CFAP299: variants seen among roughly 807,000 people sequenced by gnomAD.
The protein encoded by CFAP299 is cilia- and flagella-associated protein 299.
CFAP299 carries 21 observed loss-of-function variants against 27.0 expected under a neutral mutation model. The ratio of observed to expected loss-of-function variants is 0.78; its 90% CI spans 0.55 to 1.12. The LOEUF (loss-of-function observed/expected upper bound fraction) is 1.12. CFAP299 is among the 50% of genes most tolerant of loss of function. The probability of loss-of-function intolerance (pLI) is 0.00; values close to 1 mark genes in which losing one functional copy is unlikely to be tolerated. For synonymous variants in CFAP299, 104 were observed against 98.1 expected (o/e 1.06, Z -0.36); for missense variants, 310 against 276.6 (o/e 1.12, Z -0.86).
chr4:80,921,675 G>C (rs1448199109), intron 4 of CFAP299, among the ~76,000 whole-genome samples: 2 of 152,016 alleles, frequency 1.3e-5, no homozygotes, highest in African/African-American at 4.8e-5. Context: ...TTTGTCCCGG[G>C]AGATAATCTG....
chr4:80,627,419 A>C (rs767585500), intron 3 of CFAP299, among the ~76,000 whole-genome samples: 2 of 152,010 alleles, frequency 1.3e-5, no homozygotes, highest in African/African-American at 2.4e-5. Flanking sequence ...TTTTCCTCTA[A>C]GACACAGAGT....
chr4:80,736,926 A>G (rs1204498234), intron 3 of CFAP299, among the ~76,000 whole-genome samples: 1 of 152,178 alleles, frequency 6.6e-6, no homozygotes, highest in Admixed American at 6.5e-5. Context: ...ATGTCCAACA[A>G]TGATAGACTG....
At position 80,799,322 on chromosome 4, in the gene CFAP299, A is replaced by ATTTATATAATATTTATATATATAAATG. The variant is rs1560416304; in HGVS notation, c.334-70670_334-70669insTTATATAATATTTATATATATAAATGT. On this transcript the variant is annotated intron_variant, in intron 3 of 5. Coordinates refer to ENST00000358105, the MANE Select transcript of CFAP299 (RefSeq NM_152770.3). ...TTATATAATATTTATATATATAAAT[A>ATTTATATAATATTTATATATATAAATG]TATTTATATAATATTTATATATATA... Among the ~76,000 whole-genome samples the ATTTATATAATATTTATATATATAAATG allele has an allele frequency of 5.9e-5, 5 of 84,596 alleles. 1 individual carries two copies. The highest frequency in any genetic ancestry group is 2.9e-4 in the African/African-American group (5 of 17,360). The allele number at this position is 84,596 out of a possible 152,430, so 55.5% of individuals were successfully genotyped here.
intron 3 of CFAP299, among the ~76,000 whole-genome samples, chr4:80,704,382 A>C (rs936219239): frequency 6.6e-6 from 1 of 151,674 alleles, no homozygotes; most frequent in Non-Finnish European, 1.5e-5. Context: ...TAAGAAGAGT[A>C]GAAAAGGCCT....
intron 1 of CFAP299, among the ~76,000 whole-genome samples, chr4:80,345,144 A>G (rs899279590): frequency 8.5e-5 from 13 of 152,194 alleles, no homozygotes; most frequent in Admixed American, 5.2e-4. Flanking sequence ...GACCAGGGCA[A>G]TCAGGCAAGA....
chr4:80,749,790 A>T (rs1724829521), intron 3 of CFAP299, among the ~76,000 whole-genome samples: 1 of 152,202 alleles, frequency 6.6e-6, no homozygotes, highest in African/African-American at 2.4e-5. Flanking sequence ...CTGGCAGCTG[A>T]TTAGATAGTG....
At chr4:80,586,316 G>A (rs893873814) in intron 3 of CFAP299, among the ~76,000 whole-genome samples, 1 of 151,978 alleles carries the variant, frequency 6.6e-6, no homozygotes, top group Non-Finnish European at 1.5e-5. Flanking sequence ...GAATAAAATA[G>A]ATATAGAAAA....
intron 3 of CFAP299, among the ~76,000 whole-genome samples, chr4:80,844,744 A>G (rs2110142135): frequency 6.6e-6 from 1 of 152,182 alleles, no homozygotes; most frequent in Non-Finnish European, 1.5e-5. Flanking sequence ...GCTGTGCAGA[A>G]GTTCTTTAGT....
chr4:80,362,694 A>G, intron 1 of CFAP299, 60 bp from the exon 2 acceptor site: 1 of 1,511,594 alleles, frequency 6.6e-7, no homozygotes, highest in South Asian at 1.4e-5. Context: ...GATATAAGTA[A>G]GTAAGTAAAA....
At chr4:80,775,192 C>CCT (rs1726460839) in intron 3 of CFAP299, among the ~76,000 whole-genome samples, 2 of 151,518 alleles carry the variant, frequency 1.3e-5, no homozygotes, top group African/African-American at 4.8e-5. Flanking sequence ...ATAGGTAACC[C>CCT]ATATATAAAC....
intron 3 of CFAP299, among the ~76,000 whole-genome samples, chr4:80,780,261 A>G (rs1726795418): frequency 6.6e-6 from 1 of 152,074 alleles, no homozygotes; most frequent in Admixed American, 6.6e-5. Flanking sequence ...CTATTGCCTC[A>G]CCACTCATTT....
chr4:80,879,147 G>T (rs1401593048), intron 4 of CFAP299, among the ~76,000 whole-genome samples: 1 of 151,976 alleles, frequency 6.6e-6, no homozygotes, highest in Non-Finnish European at 1.5e-5. Flanking sequence ...GATGCTTCAG[G>T]GGACACATTT....
intron 3 of CFAP299, among the ~76,000 whole-genome samples, chr4:80,656,201 A>G (rs1389621587): frequency 6.6e-6 from 1 of 152,116 alleles, no homozygotes; most frequent in Non-Finnish European, 1.5e-5. Flanking sequence ...GACTATTATT[A>G]TTACAGGACC....
intron 2 of CFAP299, among the ~76,000 whole-genome samples, chr4:80,408,149 T>C (rs2110057805): frequency 6.6e-6 from 1 of 152,338 alleles, no homozygotes; most frequent in South Asian, 2.1e-4. Context: ...ACTGGGCACA[T>C]GCTGTACACT....
chr4:80,906,801 G>A (rs963148266), intron 4 of CFAP299, among the ~76,000 whole-genome samples: 1 of 152,090 alleles, frequency 6.6e-6, no homozygotes. Flanking sequence ...AGGGGACCCT[G>A]GGCCTTATCC....
intron 3 of CFAP299, among the ~76,000 whole-genome samples, chr4:80,761,720 A>C (rs193260660): frequency 1.2e-3 from 185 of 152,204 alleles, no homozygotes; most frequent in African/African-American, 4.1e-3. Context: ...GTGAATAATA[A>C]CCAGACAAAG....
chr4:80,340,292 C>A (rs1318359307), intron 1 of CFAP299, among the ~76,000 whole-genome samples: 1 of 152,182 alleles, frequency 6.6e-6, no homozygotes, highest in Non-Finnish European at 1.5e-5. Flanking sequence ...CAGATCGTTG[C>A]AACCCACAGA....
intron 2 of CFAP299, among the ~76,000 whole-genome samples, chr4:80,517,575 G>A (rs988474051): frequency 2.6e-5 from 4 of 152,206 alleles, no homozygotes; most frequent in African/African-American, 9.6e-5. Flanking sequence ...GAGAAACGAT[G>A]TAGCCAGAGA....
chr4:80,602,368 C>T (rs1361653149), intron 3 of CFAP299, among the ~76,000 whole-genome samples: 3 of 151,918 alleles, frequency 2.0e-5, no homozygotes, highest in Non-Finnish European at 2.9e-5. Context: ...GTGGCTCTAA[C>T]ATAAGAAATA....
Sources: gnomAD v4.1 joint callset for allele counts (sites outside exome capture counted in the v4.1 genomes callset) on GRCh38, gnomAD v4.1.1 for gene constraint, MANE v1.5 for transcripts, NCBI Gene and HGNC (gene_info 2026-07-23, HGNC 2026-07-21) for gene names.